Variants in VEZT observed in about 807,000 individuals in gnomAD.
The protein encoded by VEZT is vezatin.
In VEZT, 39 loss-of-function variants were observed where a neutral mutation model predicts 79.9. The observed-to-expected ratio is 0.49, with a 90% CI of 0.38 to 0.64. VEZT has a LOEUF of 0.64. VEZT is among the 30% of genes least tolerant of loss of function. The pLI, the probability that VEZT is intolerant of heterozygous loss-of-function variation, is 0.00. For synonymous variants in VEZT, 325 were observed against 327.6 expected (o/e 0.99, Z 0.09); for missense variants, 837 against 893.1 (o/e 0.94, Z 0.80).
intron 1 of VEZT, among the ~76,000 whole-genome samples, chr12:95,233,502 T>A (rs1219194814): frequency 6.6e-6 from 1 of 152,144 alleles, no homozygotes; most frequent in South Asian, 2.1e-4. Flanking sequence ...CAGGTTCAAG[T>A]GATTCTCCCA....
At chr12:95,249,705 C>T (rs1009105803) in intron 1 of VEZT, among the ~76,000 whole-genome samples, 2 of 152,100 alleles carry the variant, frequency 1.3e-5, no homozygotes, top group Non-Finnish European at 2.9e-5. Flanking sequence ...TTAGGTATCT[C>T]TCCTGTTTCC....
chr12:95,289,155 C>T (rs556131103), intron 9 of VEZT, among the ~76,000 whole-genome samples: 16 of 150,398 alleles, frequency 1.1e-4, no homozygotes, highest in Admixed American at 3.3e-4. Flanking sequence ...CAGTGGCTCA[C>T]GCCTGTAATC....
intron 3 of VEZT, among the ~76,000 whole-genome samples, chr12:95,261,064 A>C (rs898323396): frequency 3.3e-5 from 5 of 152,020 alleles, no homozygotes; most frequent in African/African-American, 1.2e-4. Flanking sequence ...CATTGAGAAG[A>C]TGCTCTCTTT....
chr12:95,287,933 ACTT>A, intron 9 of VEZT, 76 bp downstream of exon 9: 2 of 1,270,714 alleles, frequency 1.6e-6, no homozygotes, highest in Non-Finnish European at 2.1e-6. Flanking sequence ...TATTAGGTAG[ACTT>A]CTTGTCTTTA....
At chr12:95,286,593 C>G in intron 8 of VEZT, 1 of 458,444 alleles carries the variant, frequency 2.2e-6, no homozygotes. Flanking sequence ...CCATCTTTTT[C>G]TTCACCAGCT....
chr12:95,250,826 G>A (rs746466403), intron 1 of VEZT, among the ~76,000 whole-genome samples: 16 of 151,326 alleles, frequency 1.1e-4, no homozygotes, highest in Middle Eastern at 3.4e-3. Flanking sequence ...TATAAATGGA[G>A]TGCTTACTAT....
At chr12:95,278,807 G>A (rs965897877) in intron 7 of VEZT, among the ~76,000 whole-genome samples, 5 of 152,162 alleles carry the variant, frequency 3.3e-5, no homozygotes, top group African/African-American at 1.2e-4. Context: ...CGTGGCTCAC[G>A]CCTGTAATCC....
At position 95,300,852 on chromosome 12, in the gene VEZT, A is replaced by T; in HGVS notation, c.*179A>T. 1.3e-6 allele frequency: 1 copy of T among 769,262 alleles called. No homozygotes were observed. The allele number at this position is 769,262 out of a possible 1,614,324, so 47.7% of individuals were successfully genotyped here. ...ATTAGTAGTTACCTGTAAATGGCAG[A>T]TCTTTTAGGAAAATAAGAGAAAGGT... On this transcript the variant is annotated 3_prime_UTR_variant, in exon 12 of 12. Transcript: ENST00000436874.
chr12:95,260,823 C>G (rs1156627649), intron 3 of VEZT, among the ~76,000 whole-genome samples: 1 of 152,042 alleles, frequency 6.6e-6, no homozygotes, highest in African/African-American at 2.4e-5. Context: ...CCTTTTTTCT[C>G]CCCTCTGAAC....
At chr12:95,278,463 T>C (rs116990867) in intron 7 of VEZT, among the ~76,000 whole-genome samples, 34 of 152,318 alleles carry the variant, frequency 2.2e-4, no homozygotes, top group Non-Finnish European at 4.3e-4. Context: ...CTTGAGGAGC[T>C]CTATAGACTT....
At position 95,276,266 on chromosome 12, in the gene VEZT, T is replaced by C. The variant is rs536561331; in HGVS notation, c.996+1377T>C. Reference sequence around the variant, plus strand: ...TTTTCTTTTAATTTTTTTCTTTTTTTTTTTTTTTTTTTTTTTTGAGACAGA... The same window carrying C: ...TTTTCTTTTAATTTTTTTCTTTTTTCTTTTTTTTTTTTTTTTTGAGACAGA... On this transcript the variant is annotated intron_variant, in intron 7 of 11. Transcript: ENST00000436874. 4.7e-3 allele frequency among the ~76,000 whole-genome samples: 600 copies of C among 128,376 alleles called. 2 individuals carry two copies. Among genetic ancestry groups the C allele is most frequent in the African/African-American group, 0.016 (525 of 33,528 alleles). The allele number at this position is 128,376 out of a possible 152,430, so 84.2% of individuals were successfully genotyped here. A position where few individuals can be genotyped will look rare whatever the true frequency, so the allele number is the denominator to read the frequency against.
chr12:95,290,373 T>C (rs1349727131), intron 9 of VEZT, among the ~76,000 whole-genome samples: 1 of 152,206 alleles, frequency 6.6e-6, no homozygotes. Context: ...AAATATTTTG[T>C]TTATAAACTA....
intron 1 of VEZT, chr12:95,244,143 C>G: frequency 2.8e-6 from 1 of 358,326 alleles, no homozygotes. Flanking sequence ...CACCTATAAT[C>G]CCAGTGCTTT....
chr12:95,300,100 A>T, intron 11 of VEZT, 65 bp from the exon 12 acceptor site: 1 of 923,260 alleles, frequency 1.1e-6, no homozygotes, highest in Non-Finnish European at 1.5e-6. Context: ...AGTTTGAATT[A>T]AAAGTTTAAA....
intron 1 of VEZT, among the ~76,000 whole-genome samples, chr12:95,233,919 G>T (rs982726407): frequency 6.6e-6 from 1 of 152,078 alleles, no homozygotes; most frequent in East Asian, 1.9e-4. Flanking sequence ...TCATAGACTG[G>T]AAGCTTAGTG....
intron 1 of VEZT, among the ~76,000 whole-genome samples, chr12:95,240,014 G>GAGAA (rs1394329148): frequency 1.7e-5 from 2 of 117,280 alleles, no homozygotes; most frequent in Admixed American, 1.0e-4. Flanking sequence ...GAGAGAAAGA[G>GAGAA]AGAAAGAAAG....
intron 11 of VEZT, chr12:95,298,791 T>G (rs1394809135): frequency 6.6e-6 from 1 of 152,224 alleles, no homozygotes; most frequent in Non-Finnish European, 1.5e-5. Flanking sequence ...GCTAACAGAT[T>G]TATAAACTAA....
intron 1 of VEZT, among the ~76,000 whole-genome samples, chr12:95,240,010 A>AGAG (rs1252637935): frequency 1.7e-5 from 2 of 117,952 alleles, no homozygotes; most frequent in African/African-American, 3.1e-5. Context: ...CAGAGAGAGA[A>AGAG]AGAGAGAAAG....
chr12:95,291,410 T>C (rs935261756), intron 9 of VEZT, among the ~76,000 whole-genome samples: 4 of 152,214 alleles, frequency 2.6e-5, no homozygotes, highest in Non-Finnish European at 5.9e-5. Context: ...TTTAATAAGA[T>C]CTGGTAGTTG....
Sources: allele counts gnomAD v4.1 joint callset (sites outside exome capture counted in the v4.1 genomes callset), GRCh38; gene constraint gnomAD v4.1.1; transcripts MANE v1.5; gene names NCBI Gene and HGNC (gene_info 2026-07-23, HGNC 2026-07-21).